The following RPL3 variants were observed in gnomAD, a reference collection of about 807,000 sequenced individuals.
The protein encoded by RPL3 is large ribosomal subunit protein uL3.
In RPL3, 3 loss-of-function variants were observed where a neutral mutation model predicts 46.0. That is an observed-to-expected ratio of 0.07 (90% CI 0.03 to 0.17). RPL3 has a LOEUF of 0.17. Among genes scored for constraint, RPL3 ranks in the 10% least tolerant of loss-of-function variants. The probability of loss-of-function intolerance (pLI) is 1.00; values close to 1 mark genes in which losing one functional copy is unlikely to be tolerated. For synonymous variants in RPL3, 224 were observed against 190.8 expected (o/e 1.17, Z -1.43); for missense variants, 387 against 532.7 (o/e 0.73, Z 2.69).
chr22:39,317,891 A>T (rs1922803934), intron 2 of RPL3: 1 of 485,066 alleles, frequency 2.1e-6, no homozygotes. Context: ...GGAGGCAGAC[A>T]AGATTGCTAT....
intron 2 of RPL3, 35 bp downstream of exon 2, chr22:39,318,365 C>G: frequency 1.2e-6 from 2 of 1,604,344 alleles, no homozygotes; most frequent in East Asian, 2.2e-5. Context: ...CCCCTCCACT[C>G]CTATTCCCCC....
Position 39,318,480 on chromosome 22 carries a change from T to C in RPL3, c.116A>G (p.Lys39Arg). 8.7e-6 allele frequency: 14 copies of C among 1,613,992 alleles called. No homozygotes were observed. The highest frequency in any genetic ancestry group is 1.2e-5 in the Non-Finnish European group (14 of 1,179,956). ...CAGGAAGGCTGTGAGGTGGACCGGCTTGGACGGGTCATCCTTAGGGAAGCT... is the reference window on the plus strand; with the variant it reads ...CAGGAAGGCTGTGAGGTGGACCGGCCTGGACGGGTCATCCTTAGGGAAGCT... ...VKSFPKDDPS[K>R]PVHLTAFLGY... Residue 39 changes from lysine to arginine, a missense_variant, in exon 2 of 10, where the codon AAG (lysine) becomes AGG (arginine). By Grantham distance (26) the Lys-to-Arg change is conservative (BLOSUM62 2). Around this residue, in one of 5 missense-constraint regions of RPL3, gnomAD observed 196 missense variants for 217.5 expected, o/e 0.90. Transcript: ENST00000216146.
At chr22:39,315,809 CCCAGCCCCTA>C (rs1161154216) in intron 4 of RPL3, among the ~76,000 whole-genome samples, 2 of 152,344 alleles carry the variant, frequency 1.3e-5, no homozygotes, top group Non-Finnish European at 2.9e-5. Flanking sequence ...ACAACCAGAT[CCCAGCCCCTA>C]CCAGCCCAAT....
rs774765796 is a variant in RPL3, at chr22:39,317,487, T to C, written c.339A>G (p.Glu113=). The C allele has an allele frequency of 7.4e-6, 12 of 1,613,972 alleles. No individual in the cohort carries two copies. Among genetic ancestry groups the C allele is most frequent in the African/African-American group, 1.3e-5 (1 of 75,052 alleles). ...KTVFAEHISD[E]CKRRFYKNWH... ...AATTCTTATAGAAACGCCTCTTGCA[T>C]TCATCACTGATGTGCTCAGCAAAGA... The change falls in exon 3 of 10, where the codon GAA becomes GAG. Residue 113 remains glutamate (E), a synonymous_variant. Transcript: ENST00000216146.
chr22:39,319,536 C>T (rs1601633107), intron 1 of RPL3, 59 bp downstream of exon 1: 1 of 1,554,852 alleles, frequency 6.4e-7, no homozygotes, highest in Non-Finnish European at 8.7e-7. Flanking sequence ...GGCGATGCGT[C>T]GCGGATTCAG....
intron 3 of RPL3, 199 bp downstream of exon 3, chr22:39,317,262 A>C: frequency 3.1e-6 from 2 of 647,196 alleles, no homozygotes; most frequent in East Asian, 5.6e-5. Flanking sequence ...GCCTGGACTC[A>C]GAATGAGGGT....
chr22:39,314,232 G>A lies in RPL3; in HGVS notation c.850-24C>T, dbSNP rs185447229. ...ATCTGAATGAACAAGAAGGGTGTAA[G>A]GCTGGGGCATTAGGGACAAATAACC... On this transcript the variant is annotated intron_variant, in intron 6 of 9. Coordinates refer to ENST00000216146, the MANE Select transcript of RPL3 (RefSeq NM_000967.4). 150 of 1,602,204 alleles carry A rather than the reference G, an allele frequency of 9.4e-5. 2 individuals are homozygous for A. The East Asian group carries it at 3.0e-3, about 32-fold the overall frequency.
At chr22:39,319,100 G>A (rs1202003564) in intron 1 of RPL3, 5 of 538,424 alleles carry the variant, frequency 9.3e-6, no homozygotes, top group South Asian at 7.0e-5. Context: ...CCGTCAATAA[G>A]TTCATCATCT....
chr22:39,314,221 G>C lies in RPL3; in HGVS notation c.850-13C>G. 4.3e-6 allele frequency: 7 copies of C among 1,609,240 alleles called. No individual in the cohort carries two copies. Among genetic ancestry groups the C allele is most frequent in the Non-Finnish European group, 5.9e-6 (7 of 1,176,486 alleles). On this transcript the variant is annotated splice_polypyrimidine_tract_variant and intron_variant, in intron 6 of 9. Coordinates refer to ENST00000216146, the MANE Select transcript of RPL3 (RefSeq NM_000967.4). Reference sequence around the variant, plus strand: ...CAATCTTATAAATCTGAATGAACAAGAAGGGTGTAAGGCTGGGGCATTAGG... The same window carrying C: ...CAATCTTATAAATCTGAATGAACAACAAGGGTGTAAGGCTGGGGCATTAGG...
intron 4 of RPL3, among the ~76,000 whole-genome samples, chr22:39,315,967 C>T (rs1922662245): frequency 6.6e-6 from 1 of 152,160 alleles, no homozygotes; most frequent in Admixed American, 6.5e-5. Context: ...TCACCGGGAG[C>T]GGTGGCTCAC....
chr22:39,313,165 C>G, intron 9 of RPL3, 26 bp downstream of exon 9: 1 of 1,604,848 alleles, frequency 6.2e-7, no homozygotes, highest in East Asian at 2.2e-5. Flanking sequence ...CCACACCCAG[C>G]GAGGGGGGCA....
At chr22:39,317,743 C>G in intron 2 of RPL3, 114 bp from the exon 3 acceptor site, 3 of 1,160,800 alleles carry the variant, frequency 2.6e-6, no homozygotes, top group Non-Finnish European at 3.8e-6. Flanking sequence ...GGCCCCACAC[C>G]TGCAGTACGG....
chr22:39,317,709 C>G (rs1922793224), intron 2 of RPL3, 80 bp from the exon 3 acceptor site: 1 of 1,545,398 alleles, frequency 6.5e-7, no homozygotes, highest in Non-Finnish European at 8.8e-7. Context: ...TGCAAAGTGC[C>G]CATTTAGGCC....
rs1002117135 is a variant in RPL3 at position 39,313,174 on chromosome 22, C to G, written c.1167+17G>C. ...AAGCCACCACACCCAGCGAGGGGGG[C>G]AGGCAGAGGTGCTCACCATGAATGC... is the stretch of plus-strand genomic sequence containing the variant. On this transcript the variant is annotated intron_variant, in intron 9 of 9. Transcript: ENST00000216146. 1 of 1,606,044 alleles carries G rather than the reference C, an allele frequency of 6.2e-7. No individual in the cohort carries two copies. Among genetic ancestry groups the G allele is most frequent in the Non-Finnish European group, 8.5e-7 (1 of 1,176,364 alleles).
intron 8 of RPL3, 158 bp from the exon 9 acceptor site, chr22:39,313,468 A>G: frequency 7.6e-7 from 1 of 1,320,608 alleles, no homozygotes. Flanking sequence ...ACAGCCCAGC[A>G]AGGCCAGACT....
At chr22:39,313,143 C>T in intron 9 of RPL3, 48 bp downstream of exon 9, 1 of 1,599,660 alleles carries the variant, frequency 6.3e-7, no homozygotes, top group Non-Finnish European at 8.5e-7. Context: ...AGGCAGGCGG[C>T]TGCCCAAGCC....
intron 6 of RPL3, 135 bp downstream of exon 6, chr22:39,314,551 C>G: frequency 1.8e-6 from 2 of 1,089,430 alleles, no homozygotes; most frequent in Non-Finnish European, 2.6e-6. Context: ...CAGAACTGAC[C>G]ATGAGAAGCA....
At chr22:39,315,627 T>G in intron 4 of RPL3, 72 bp from the exon 5 acceptor site, 1 of 1,561,702 alleles carries the variant, frequency 6.4e-7, no homozygotes, top group African/African-American at 1.4e-5. Flanking sequence ...TGCAGCTCCA[T>G]GCGGCCTGAT....
intron 8 of RPL3, 50 bp downstream of exon 8, chr22:39,313,584 G>C: frequency 1.3e-6 from 2 of 1,565,458 alleles, no homozygotes; most frequent in Non-Finnish European, 1.8e-6. Flanking sequence ...TGTGGCCTTG[G>C]ATCCTCCCTC....
Sources: gnomAD v4.1 joint callset for allele counts (sites outside exome capture counted in the v4.1 genomes callset) on GRCh38, gnomAD v4.1.1 for gene constraint, gnomAD v4.1.1 regional missense constraint, MANE v1.5 for transcripts, NCBI Gene and HGNC (gene_info 2026-07-23, HGNC 2026-07-21) for gene names.